Variants in CYP7B1 observed in about 807,000 individuals in gnomAD.
CYP7B1 encodes the protein cytochrome P450 7B1.
A neutral mutation model predicts 42.7 loss-of-function variants in CYP7B1; 29 were observed. That is an observed-to-expected ratio of 0.68 (90% confidence interval 0.51 to 0.93). The LOEUF (loss-of-function observed/expected upper bound fraction) is 0.93, where lower values mean the gene tolerates loss of function less well. Ranked by LOEUF, CYP7B1 falls within the 40% of genes least tolerant of loss-of-function variation. The pLI, the probability that CYP7B1 is intolerant of heterozygous loss-of-function variation, is 0.00. For synonymous variants in CYP7B1, 235 were observed against 218.2 expected (o/e 1.08, Z -0.68); for missense variants, 655 against 600.5 (o/e 1.09, Z -0.95).
intron 1 of CYP7B1, among the ~76,000 whole-genome samples, chr8:64,714,732 C>A (rs1310804916): frequency 6.6e-6 from 1 of 152,162 alleles, no homozygotes; most frequent in African/African-American, 2.4e-5. Flanking sequence ...AAACTGATGT[C>A]CCCATCATCT....
chr8:64,730,422 A>G (rs1382982537), intron 1 of CYP7B1, among the ~76,000 whole-genome samples: 1 of 151,918 alleles, frequency 6.6e-6, no homozygotes, highest in African/African-American at 2.4e-5. Flanking sequence ...AAAATATCCC[A>G]TAGGTTTATC....
intron 1 of CYP7B1, among the ~76,000 whole-genome samples, chr8:64,759,949 C>G (rs1807861505): frequency 6.6e-6 from 1 of 151,914 alleles, no homozygotes; most frequent in Non-Finnish European, 1.5e-5. Flanking sequence ...AAGAGAGGAT[C>G]AATATTTCAG....
downstream of CYP7B1, among the ~76,000 whole-genome samples, chr8:64,588,115 A>G (rs958290596): frequency 6.6e-6 from 1 of 152,232 alleles, no homozygotes; most frequent in African/African-American, 2.4e-5. Context: ...TTAAATTCAT[A>G]TATGCACATA....
chr8:64,767,139 G>C (rs1475237417), intron 1 of CYP7B1, among the ~76,000 whole-genome samples: 1 of 152,206 alleles, frequency 6.6e-6, no homozygotes. Context: ...AGGAAAAAGG[G>C]TAAATACATA....
At chr8:64,616,360 T>G (rs1805449620) in intron 2 of CYP7B1, 79 bp from the exon 3 acceptor site, 1 of 952,816 alleles carries the variant, frequency 1.0e-6, no homozygotes, top group East Asian at 2.6e-5. Flanking sequence ...TTAAAAAATA[T>G]GTTAATCAAA....
At chr8:64,648,423 C>G (rs1263552679) in intron 1 of CYP7B1, among the ~76,000 whole-genome samples, 1 of 152,200 alleles carries the variant, frequency 6.6e-6, no homozygotes, top group Non-Finnish European at 1.5e-5. Flanking sequence ...CCTGGCCACA[C>G]ATATTTGTGC....
At chr8:64,733,792 G>A (rs1357126616) in intron 1 of CYP7B1, among the ~76,000 whole-genome samples, 1 of 151,960 alleles carries the variant, frequency 6.6e-6, no homozygotes, top group East Asian at 1.9e-4. Flanking sequence ...GAAACCTAGG[G>A]AGACTCCATC....
intron 1 of CYP7B1, among the ~76,000 whole-genome samples, chr8:64,715,815 C>T (rs1193022974): frequency 1.3e-5 from 2 of 152,174 alleles, no homozygotes; most frequent in African/African-American, 2.4e-5. Context: ...TTAACACGGA[C>T]ACAGCCTGTA....
At chr8:64,658,547 G>A (rs750773103) in intron 1 of CYP7B1, among the ~76,000 whole-genome samples, 4 of 152,078 alleles carry the variant, frequency 2.6e-5, no homozygotes, top group Non-Finnish European at 5.9e-5. Flanking sequence ...CCTTTTCTAA[G>A]TTTGGATCAG....
chr8:64,671,539 A>C lies in CYP7B1; in HGVS notation c.123-47000T>G, dbSNP rs143408216. 3.1e-3 allele frequency among the ~76,000 whole-genome samples: 479 copies of C among 152,224 alleles called. 2 individuals carry two copies. The highest frequency in any genetic ancestry group is 5.5e-3 in the Non-Finnish European group (377 of 68,012). On this transcript the variant is annotated intron_variant, in intron 1 of 5. Coordinates refer to ENST00000310193, the MANE Select transcript of CYP7B1 (RefSeq NM_004820.5). ...GGGGTGGGCCTCATGTAATCAGTAG[A>C]AAGGCCTTAAAAGCAAAACCAAGTT...
intron 1 of CYP7B1, among the ~76,000 whole-genome samples, chr8:64,758,456 T>C (rs1299545317): frequency 6.6e-6 from 1 of 152,170 alleles, no homozygotes; most frequent in Non-Finnish European, 1.5e-5. Context: ...TCTCCTAACT[T>C]TTCTGAGCTT....
intron 4 of CYP7B1, among the ~76,000 whole-genome samples, chr8:64,612,583 A>G (rs1490365385): frequency 6.6e-6 from 1 of 152,152 alleles, no homozygotes; most frequent in Admixed American, 6.6e-5. Context: ...TTGGCAGTCT[A>G]ACGTTTCTTC....
chr8:64,613,330 T>C (rs1233094054), intron 4 of CYP7B1, among the ~76,000 whole-genome samples: 2 of 152,190 alleles, frequency 1.3e-5, no homozygotes, highest in Non-Finnish European at 2.9e-5. Flanking sequence ...TAAATTTAAA[T>C]GTTTCTGCTT....
intron 4 of CYP7B1, among the ~76,000 whole-genome samples, chr8:64,606,483 G>C (rs950904691): frequency 2.0e-5 from 3 of 152,198 alleles, no homozygotes; most frequent in Non-Finnish European, 2.9e-5. Context: ...GTGGGAAGAA[G>C]AAACACAAAA....
At position 64,593,620 on chromosome 8, in the gene CYP7B1, C is replaced by G. The variant is rs1480880780; in HGVS notation, c.*3022G>C. ...TGAAAAATGCAAATACAAATTCTCTCTTGAGGAATGAACTTTAAATCTAGG... is the reference window on the plus strand; with the variant it reads ...TGAAAAATGCAAATACAAATTCTCTGTTGAGGAATGAACTTTAAATCTAGG... On this transcript the variant is annotated 3_prime_UTR_variant, in exon 6 of 6. Transcript: ENST00000310193. 6.6e-6 allele frequency among the ~76,000 whole-genome samples: 1 copy of G among 152,108 alleles called. No individual in the cohort carries two copies. The highest frequency in any genetic ancestry group is 2.4e-5 in the African/African-American group (1 of 41,442).
intron 1 of CYP7B1, among the ~76,000 whole-genome samples, chr8:64,712,318 T>C (rs929188372): frequency 2.0e-5 from 3 of 151,764 alleles, no homozygotes; most frequent in African/African-American, 4.8e-5. Flanking sequence ...GAACTGGCCA[T>C]CAGCAGCAGC....
intron 1 of CYP7B1, among the ~76,000 whole-genome samples, chr8:64,630,574 C>G (rs1024192615): frequency 1.3e-5 from 2 of 152,240 alleles, no homozygotes; most frequent in African/African-American, 4.8e-5. Context: ...CTTTTGTCAA[C>G]TCTCTCTGCT....
intron 1 of CYP7B1, among the ~76,000 whole-genome samples, chr8:64,747,224 A>G (rs1807656937): frequency 6.8e-6 from 1 of 148,124 alleles, no homozygotes; most frequent in Non-Finnish European, 1.5e-5. Flanking sequence ...TATAGTATTT[A>G]TATATAAACA....
chr8:64,607,983 A>G (rs1805308939), intron 4 of CYP7B1, among the ~76,000 whole-genome samples: 2 of 152,206 alleles, frequency 1.3e-5, no homozygotes, highest in Non-Finnish European at 2.9e-5. Flanking sequence ...AGTTGTTAAG[A>G]ACTGAGCTTT....
Sources: gnomAD v4.1 joint callset for allele counts (sites outside exome capture counted in the v4.1 genomes callset) on GRCh38, gnomAD v4.1.1 for gene constraint, MANE v1.5 for transcripts, NCBI Gene and HGNC (gene_info 2026-07-23, HGNC 2026-07-21) for gene names.